NR5A2: variants seen among roughly 807,000 people sequenced by gnomAD.
The protein encoded by NR5A2 is CYP7A promoter-binding factor.
Under a neutral mutation model 62.7 loss-of-function variants are expected in NR5A2, and 26 were observed. The observed-to-expected ratio is 0.41, with a 90% CI of 0.30 to 0.58. The LOEUF is 0.58. Among genes scored for constraint, NR5A2 ranks in the 20% least tolerant of loss-of-function variants. NR5A2 has a pLI of 0.22. For synonymous variants in NR5A2, 246 were observed against 241.7 expected (o/e 1.02, Z -0.16); for missense variants, 541 against 669.1 (o/e 0.81, Z 2.11).
At chr1:200,125,513 C>T (rs1347701042) in intron 7 of NR5A2, among the ~76,000 whole-genome samples, 1 of 152,128 alleles carries the variant, frequency 6.6e-6, no homozygotes, top group Non-Finnish European at 1.5e-5. Context: ...GACAGAAAAG[C>T]TACTGCATGC....
intron 7 of NR5A2, among the ~76,000 whole-genome samples, chr1:200,132,387 C>T (rs569549734): frequency 2.6e-5 from 4 of 152,208 alleles, no homozygotes; most frequent in Non-Finnish European, 4.4e-5. Context: ...CCCCAGGACA[C>T]TGTTCTGAAT....
intron 5 of NR5A2, among the ~76,000 whole-genome samples, chr1:200,079,283 G>C (rs1175864411): frequency 1.3e-5 from 2 of 152,178 alleles, no homozygotes; most frequent in Non-Finnish European, 2.9e-5. Flanking sequence ...AGGTCACCTG[G>C]CTCATGTGTG....
At chr1:200,153,110 C>T (rs1653211936) in intron 7 of NR5A2, among the ~76,000 whole-genome samples, 2 of 152,282 alleles carry the variant, frequency 1.3e-5, no homozygotes, top group South Asian at 4.1e-4. Flanking sequence ...TTGCTACTTT[C>T]CTGGCTGGTG....
intron 2 of NR5A2, chr1:200,042,974 A>G (rs2102153395): frequency 2.0e-6 from 2 of 985,330 alleles, no homozygotes; most frequent in South Asian, 4.7e-5. Context: ...AGGTGTTTAT[A>G]TTTTGCTATG....
At chr1:200,162,748 A>C (rs149133278) in intron 7 of NR5A2, among the ~76,000 whole-genome samples, 1 of 152,204 alleles carries the variant, frequency 6.6e-6, no homozygotes, top group African/African-American at 2.4e-5. Flanking sequence ...GGGAGGAGTC[A>C]TGAATGAATC....
chr1:200,100,382 G>C (rs923605770), intron 5 of NR5A2, among the ~76,000 whole-genome samples: 10 of 152,092 alleles, frequency 6.6e-5, no homozygotes, highest in Non-Finnish European at 1.5e-5. Context: ...CTGCTATGTG[G>C]TGTTTTTAAT....
chr1:200,090,676 T>A (rs1018924568), intron 5 of NR5A2, among the ~76,000 whole-genome samples: 1 of 152,190 alleles, frequency 6.6e-6, no homozygotes, highest in Non-Finnish European at 1.5e-5. Context: ...ATCAGGGACA[T>A]CCAGGGGAAC....
chr1:200,166,824 TTAA>T (rs1206963673), intron 7 of NR5A2, among the ~76,000 whole-genome samples: 2 of 152,216 alleles, frequency 1.3e-5, no homozygotes, highest in African/African-American at 2.4e-5. Context: ...GAAAATGATA[TTAA>T]TAATAACTTC....
Position 200,144,229 on chromosome 1 carries a change from T to TCACA in NR5A2, c.1378+23275_1378+23276insACAC, listed in dbSNP as rs770054105. 2.0e-3 allele frequency among the ~76,000 whole-genome samples: 259 copies of TCACA among 127,066 alleles called. 1 individual carries two copies. The highest frequency in any genetic ancestry group is 5.8e-3 in the African/African-American group (181 of 30,968). 83.4% of individuals were successfully genotyped at this position (127,066 alleles called of 152,430 possible). A position where few individuals can be genotyped will look rare whatever the true frequency, so the allele number is the denominator to read the frequency against. ...CCAGCACTGTTTCTCTCTCTCTCTC[T>TCACA]CTCTCACACACACACACACACACAC... On this transcript the variant is annotated intron_variant, in intron 7 of 7. Coordinates refer to ENST00000367362, the MANE Select transcript of NR5A2 (RefSeq NM_205860.3).
At position 200,103,522 on chromosome 1, in the gene NR5A2, A is replaced by C. The variant is rs143604078; in HGVS notation, c.1111-7680A>C. Among the ~76,000 whole-genome samples the C allele has an allele frequency of 4.2e-3, 639 of 152,332 alleles. 3 individuals are homozygous for C. Among genetic ancestry groups the C allele is most frequent in the Admixed American group, 8.7e-3 (133 of 15,304 alleles). On this transcript the variant is annotated intron_variant, in intron 5 of 7. Coordinates refer to ENST00000367362, the MANE Select transcript of NR5A2 (RefSeq NM_205860.3). ...CATAAGAAAGATGCCTACAGCAAAG[A>C]GGCAATGCTTACCAAAGAACTAGGA...
chr1:200,036,688 G>C (rs968783663), intron 1 of NR5A2, among the ~76,000 whole-genome samples: 1 of 152,132 alleles, frequency 6.6e-6, no homozygotes, highest in East Asian at 1.9e-4. Flanking sequence ...ATCTGAAATA[G>C]GGCTGCCCCC....
chr1:200,120,745 G>T, intron 6 of NR5A2, 63 bp from the exon 7 acceptor site: 1 of 1,448,404 alleles, frequency 6.9e-7, no homozygotes, highest in South Asian at 1.5e-5. Context: ...TAGTTCTTAC[G>T]ACTCAGGTGA....
intron 7 of NR5A2, among the ~76,000 whole-genome samples, chr1:200,155,060 G>C (rs1475067473): frequency 6.6e-6 from 1 of 152,186 alleles, no homozygotes; most frequent in East Asian, 1.9e-4. Context: ...CAGCTTGTGA[G>C]GGCAAAACTT....
chr1:200,131,328 T>A (rs1666961968), intron 7 of NR5A2, among the ~76,000 whole-genome samples: 1 of 152,224 alleles, frequency 6.6e-6, no homozygotes, highest in Non-Finnish European at 1.5e-5. Context: ...AATATGAACT[T>A]ACAGCCATGG....
intron 5 of NR5A2, among the ~76,000 whole-genome samples, chr1:200,106,503 A>G (rs1459171436): frequency 6.6e-6 from 1 of 152,238 alleles, no homozygotes; most frequent in Non-Finnish European, 1.5e-5. Flanking sequence ...CTGATAAGTA[A>G]CTAGGTTTCT....
chr1:200,042,719 C>A (rs773004409), intron 2 of NR5A2: 2 of 792,064 alleles, frequency 2.5e-6, no homozygotes, highest in Non-Finnish European at 3.1e-6. Context: ...GGTGCCCGCC[C>A]ACCCGCGCCC....
At chr1:200,103,918 G>C (rs77928424) in intron 5 of NR5A2, among the ~76,000 whole-genome samples, 1 of 152,218 alleles carries the variant, frequency 6.6e-6, no homozygotes. Flanking sequence ...GGAGAAGTAT[G>C]GAGATGGTGT....
chr1:200,062,506 A>G (rs932896609), intron 5 of NR5A2, among the ~76,000 whole-genome samples: 1 of 152,320 alleles, frequency 6.6e-6, no homozygotes, highest in African/African-American at 2.4e-5. Context: ...CTTACCAAAT[A>G]TTACATTTCC....
At chr1:200,122,640 C>T (rs1204147675) in intron 7 of NR5A2, among the ~76,000 whole-genome samples, 1 of 152,178 alleles carries the variant, frequency 6.6e-6, no homozygotes, top group Non-Finnish European at 1.5e-5. Flanking sequence ...TCCTGAACAA[C>T]TGGGCCATGT....
Sources: gnomAD v4.1 joint callset for allele counts (sites outside exome capture counted in the v4.1 genomes callset) on GRCh38, gnomAD v4.1.1 for gene constraint, MANE v1.5 for transcripts, NCBI Gene and HGNC (gene_info 2026-07-23, HGNC 2026-07-21) for gene names.